Variants in RYR3 observed in about 807,000 individuals in gnomAD.
RYR3 encodes brain ryanodine receptor-calcium release channel.
In RYR3, 207 loss-of-function variants were observed where a neutral mutation model predicts 584.3. The observed-to-expected ratio is 0.35, with a 90% CI of 0.32 to 0.40. The LOEUF is 0.40. RYR3 is among the 10% of genes least tolerant of loss of function. RYR3 has a pLI of 1.00. For synonymous variants in RYR3, 2,416 were observed against 2,248.5 expected, an observed-to-expected ratio of 1.07 and a Z score of -2.11; for missense variants, 5,616 against 6,089.2, an observed-to-expected ratio of 0.92 and a Z score of 2.59.
At chr15:33,760,140 TA>T (rs2072282152) in intron 60 of RYR3, among the ~76,000 whole-genome samples, 1 of 151,992 alleles carries the variant, frequency 6.6e-6, no homozygotes, top group South Asian at 2.1e-4. Flanking sequence ...AAGGAAGCAG[TA>T]AATATGGAAA....
chr15:33,764,771 T>C (rs1428126008), intron 60 of RYR3, among the ~76,000 whole-genome samples: 1 of 152,094 alleles, frequency 6.6e-6, no homozygotes, highest in African/African-American at 2.4e-5. Flanking sequence ...CGGTGGCTCA[T>C]GCCTGTAATC....
rs1229576945 is a variant in RYR3 at position 33,623,947 on chromosome 15, G to T, written c.2498G>T (p.Gly833Val). The change falls in exon 20 of 104, where the codon GGC becomes GTC. Residue 833 changes from glycine to valine, a missense_variant. By Grantham distance (109) the Gly-to-Val change is moderately radical. This residue lies in a region of RYR3 where 1,284 missense variants were observed against 1,344.6 expected (regional missense o/e 0.95). Transcript: ENST00000634891. ...AAAGAATATAAACGTGATGCTGATG[G>T]CATTAGAGATCTCTTGGGTACCACC... ...PVKEYKRDAD[G>V]IRDLLGTTQF... is the part of the protein sequence containing the mutation. 1 of 1,613,820 alleles carries T rather than the reference G, an allele frequency of 6.2e-7. No individual in the cohort carries two copies. Among genetic ancestry groups the T allele is most frequent in the Non-Finnish European group, 8.5e-7 (1 of 1,179,868 alleles).
chr15:33,344,412 T>C (rs1421433847), intron 1 of RYR3, among the ~76,000 whole-genome samples: 1 of 152,224 alleles, frequency 6.6e-6, no homozygotes, highest in East Asian at 1.9e-4. Flanking sequence ...CATGGGTATA[T>C]ATACACATTG....
intron 1 of RYR3, among the ~76,000 whole-genome samples, chr15:33,382,418 G>A (rs2041263779): frequency 6.9e-6 from 1 of 144,594 alleles, no homozygotes; most frequent in South Asian, 2.2e-4. Flanking sequence ...CCGCCTCCTG[G>A]GTTCAAGCAA....
chr15:33,735,283 T>C (rs1178331118), intron 48 of RYR3, among the ~76,000 whole-genome samples: 1 of 152,232 alleles, frequency 6.6e-6, no homozygotes, highest in East Asian at 1.9e-4. Context: ...CAAGGCTACT[T>C]ACTTGCTGTG....
rs140402913 is a variant in RYR3 at position 33,493,853 on chromosome 15, C to T, written c.172-9778C>T. Among the ~76,000 whole-genome samples, 133 of 152,234 alleles carry T rather than the reference C, an allele frequency of 8.7e-4. 1 individual carries two copies. In the East Asian group the frequency reaches 0.014, roughly 16 times the overall value. On this transcript the variant is annotated intron_variant, in intron 2 of 103. Transcript: ENST00000634891. Reference sequence around the variant, plus strand: ...GTCCCAGCTCTTTAAGAGGCTGAGGCGGGAGAGTCTCTTGAGCCTAGGAAT... The same window carrying T: ...GTCCCAGCTCTTTAAGAGGCTGAGGTGGGAGAGTCTCTTGAGCCTAGGAAT...
intron 2 of RYR3, among the ~76,000 whole-genome samples, chr15:33,480,869 G>A (rs1476066623): frequency 6.6e-6 from 1 of 152,120 alleles, no homozygotes; most frequent in Non-Finnish European, 1.5e-5. Context: ...CAAAAGGGGT[G>A]TTCAAATCTT....
intron 2 of RYR3, among the ~76,000 whole-genome samples, chr15:33,479,137 G>A (rs772409575): frequency 2.0e-5 from 3 of 152,150 alleles, no homozygotes; most frequent in Non-Finnish European, 4.4e-5. Context: ...GAGTTATGTA[G>A]GCTCTGAAGA....
At chr15:33,852,619 C>T (rs2079218753) in intron 94 of RYR3, 1 of 164,068 alleles carries the variant, frequency 6.1e-6, no homozygotes, top group African/African-American at 2.4e-5. Flanking sequence ...TACCACACCC[C>T]ACATCCCGCA....
rs559465386 is a variant in RYR3, at chr15:33,539,855, TA to T, written c.546+394del. Reference sequence around the variant, plus strand: ...ATATATACTGTCTATTAAGTAGAAGTAGATCATCCTAAAGATCTTCATCCTT... The same window carrying T: ...ATATATACTGTCTATTAAGTAGAAGTGATCATCCTAAAGATCTTCATCCTT... On this transcript the variant is annotated intron_variant, in intron 6 of 103. Coordinates refer to ENST00000634891, the MANE Select transcript of RYR3 (RefSeq NM_001036.6). 1.3e-3 allele frequency among the ~76,000 whole-genome samples: 200 copies of T among 152,240 alleles called. 1 individual carries two copies. The highest frequency in any genetic ancestry group is 2.2e-3 in the Non-Finnish European group (147 of 67,998).
intron 52 of RYR3, among the ~76,000 whole-genome samples, chr15:33,745,368 T>C (rs2070589918): frequency 6.6e-6 from 1 of 151,706 alleles, no homozygotes; most frequent in African/African-American, 2.4e-5. Context: ...GGGCCTAAAT[T>C]AGATCACCCA....
chr15:33,636,503 C>G lies in RYR3; in HGVS notation c.3509C>G (p.Thr1170Ser), dbSNP rs781381867. The change falls in exon 27 of 104, where the codon ACC (threonine) becomes AGC (serine). Residue 1170 changes from threonine (T) to serine (S), a missense_variant. Thr to Ser is a moderately conservative substitution (Grantham distance 58). Coordinates refer to ENST00000634891, the MANE Select transcript of RYR3 (RefSeq NM_001036.6). ...IFTLNGELLI[T>S]NKGSELAFAD... Reference sequence around the variant, plus strand: ...ACACTGAATGGGGAGCTGCTGATCACCAACAAAGGCTCTGAACTTGCCTTC... The same window carrying G: ...ACACTGAATGGGGAGCTGCTGATCAGCAACAAAGGCTCTGAACTTGCCTTC... The G allele has an allele frequency of 6.2e-7, 1 of 1,611,290 alleles. No homozygotes were observed. The highest frequency in any genetic ancestry group is 8.5e-7 in the Non-Finnish European group (1 of 1,178,866).
At chr15:33,396,833 A>G (rs1357590253) in intron 1 of RYR3, among the ~76,000 whole-genome samples, 1 of 152,236 alleles carries the variant, frequency 6.6e-6, no homozygotes, top group Non-Finnish European at 1.5e-5. Context: ...CCTGGGCTAC[A>G]GGAAAGGAGA....
intron 67 of RYR3, 29 bp from the exon 68 acceptor site, chr15:33,800,741 A>C: frequency 1.3e-6 from 2 of 1,517,074 alleles, no homozygotes; most frequent in African/African-American, 1.4e-5. Context: ...CTGAATTTCA[A>C]ATGCCTGTTT....
intron 43 of RYR3, among the ~76,000 whole-genome samples, chr15:33,714,417 T>C (rs1393985842): frequency 6.6e-6 from 1 of 152,240 alleles, no homozygotes; most frequent in East Asian, 1.9e-4. Flanking sequence ...TTTGCTTCAC[T>C]TTATTTTTAT....
At chr15:33,618,806 C>T (rs1240891793) in intron 19 of RYR3, among the ~76,000 whole-genome samples, 2 of 152,100 alleles carry the variant, frequency 1.3e-5, no homozygotes, top group African/African-American at 2.4e-5. Flanking sequence ...AGTTAGTCAC[C>T]CCCTTTGAGC....
chr15:33,521,722 C>T (rs889897102), intron 3 of RYR3, among the ~76,000 whole-genome samples: 1 of 152,172 alleles, frequency 6.6e-6, no homozygotes, highest in Non-Finnish European at 1.5e-5. Context: ...GGTCACTCTA[C>T]AAGAGCACAG....
chr15:33,720,234 A>G (rs1413628970), intron 43 of RYR3, among the ~76,000 whole-genome samples: 1 of 152,186 alleles, frequency 6.6e-6, no homozygotes, highest in Non-Finnish European at 1.5e-5. Context: ...TCAGCAAGCC[A>G]AGCTCTAGGA....
chr15:33,608,078 C>T (rs552257331), intron 18 of RYR3, among the ~76,000 whole-genome samples: 3 of 152,296 alleles, frequency 2.0e-5, no homozygotes, highest in African/African-American at 7.2e-5. Context: ...AAGTGGTACA[C>T]AGGACATCAT....
Sources: allele counts gnomAD v4.1 joint callset (sites outside exome capture counted in the v4.1 genomes callset), GRCh38; gene constraint gnomAD v4.1.1; regional missense constraint gnomAD v4.1.1; transcripts MANE v1.5; gene names NCBI Gene and HGNC (gene_info 2026-07-23, HGNC 2026-07-21).